The following PLCG2 variants were observed in gnomAD, a reference collection of about 807,000 sequenced individuals.
PLCG2 encodes the protein phospholipase C gamma 2.
PLCG2 carries 69 observed loss-of-function variants against 175.6 expected under a neutral mutation model. That is an observed-to-expected ratio of 0.39 (90% CI 0.32 to 0.48). The LOEUF (loss-of-function observed/expected upper bound fraction) is 0.48. Among genes scored for constraint, PLCG2 ranks in the 20% least tolerant of loss-of-function variants. The probability of loss-of-function intolerance (pLI) is 0.91; values close to 1 mark genes in which losing one functional copy is unlikely to be tolerated. For missense variants in PLCG2, 1,798 were observed against 1,650.9 expected (o/e 1.09, Z -1.54); for synonymous variants, 827 against 624.0 (o/e 1.33, Z -4.85).
chr16:81,866,340 T>A (rs1323634582), intron 5 of PLCG2, among the ~76,000 whole-genome samples: 1 of 132,518 alleles, frequency 7.5e-6, no homozygotes, highest in Non-Finnish European at 1.6e-5. Flanking sequence ...GAGAGGACGC[T>A]GGCCTCTCCC....
chr16:81,788,810 T>C (rs1433922008), intron 2 of PLCG2, among the ~76,000 whole-genome samples: 1 of 152,216 alleles, frequency 6.6e-6, no homozygotes, highest in African/African-American at 2.4e-5. Flanking sequence ...GAGGTGGCCA[T>C]CTTCCCTCTT....
At chr16:81,845,878 C>A (rs1906089435) in intron 2 of PLCG2, among the ~76,000 whole-genome samples, 1 of 152,228 alleles carries the variant, frequency 6.6e-6, no homozygotes, top group Admixed American at 6.5e-5. Context: ...GAGTCACTTG[C>A]TTGACTATGA....
chr16:81,815,790 G>T (rs1904517190), intron 2 of PLCG2, among the ~76,000 whole-genome samples: 1 of 152,220 alleles, frequency 6.6e-6, no homozygotes, highest in African/African-American at 2.4e-5. Flanking sequence ...ACCAGACACA[G>T]TGGCTCACGC....
chr16:81,792,868 A>G (rs1911302135), intron 2 of PLCG2, among the ~76,000 whole-genome samples: 1 of 152,184 alleles, frequency 6.6e-6, no homozygotes, highest in African/African-American at 2.4e-5. Flanking sequence ...GCCAGACCAT[A>G]TCAGCCACTT....
At chr16:81,919,311 C>G (rs1567532676) in intron 19 of PLCG2, among the ~76,000 whole-genome samples, 173 bp from the exon 20 acceptor site, 1 of 152,160 alleles carries the variant, frequency 6.6e-6, no homozygotes, top group Non-Finnish European at 1.5e-5. Flanking sequence ...TTTGAAAATA[C>G]CCACATCATT....
chr16:81,775,794 A>G (rs150791409), upstream of PLCG2, among the ~76,000 whole-genome samples: 137 of 152,186 alleles, frequency 9.0e-4, no homozygotes, highest in Middle Eastern at 0.01. Flanking sequence ...CTTTTGTAGG[A>G]AAAGGAAAAG....
In PLCG2 at chr16:81,920,819, G is replaced by C. The variant is rs117631133; in HGVS notation, c.2236-379G>C. On this transcript the variant is annotated intron_variant, in intron 20 of 32. Transcript: ENST00000564138. ...GGTGTAAATACTTCCATGGAGGTCA[G>C]TTTCAAGTTGTTGATGTGCTGTCGT... Among the ~76,000 whole-genome samples, 445 of 152,334 alleles carry C rather than the reference G, an allele frequency of 2.9e-3. 9 individuals carry two copies. Among genetic ancestry groups the C allele is most frequent in the East Asian group, 0.022 (116 of 5,184 alleles).
chr16:81,935,787 T>C, intron 26 of PLCG2: 2 of 985,424 alleles, frequency 2.0e-6, no homozygotes, highest in Middle Eastern at 5.2e-4. Flanking sequence ...TTGTTCATCT[T>C]GTGTCTGTGG....
At chr16:81,741,421 A>T (rs907890524) in intron 1 of PLCG2, among the ~76,000 whole-genome samples, 2 of 151,996 alleles carry the variant, frequency 1.3e-5, no homozygotes, top group African/African-American at 2.4e-5. Context: ...CAGGAGGAAG[A>T]TTTTTTTTCC....
intron 9 of PLCG2, among the ~76,000 whole-genome samples, chr16:81,884,212 A>G (rs1908238326): frequency 2.0e-5 from 3 of 152,106 alleles, no homozygotes; most frequent in Non-Finnish European, 4.4e-5. Context: ...TTAGGCAGGC[A>G]TTGTGGTGGG....
At chr16:81,796,044 T>C (rs1911455769) in intron 2 of PLCG2, among the ~76,000 whole-genome samples, 1 of 152,218 alleles carries the variant, frequency 6.6e-6, no homozygotes, top group Non-Finnish European at 1.5e-5. Context: ...CAGTGAAGGC[T>C]GATAAGCAGG....
intron 1 of PLCG2, among the ~76,000 whole-genome samples, chr16:81,753,942 G>A (rs1399447851): frequency 6.6e-6 from 1 of 152,144 alleles, no homozygotes; most frequent in Non-Finnish European, 1.5e-5. Context: ...GGTTGGGCTA[G>A]ATGGTCCCAC....
chr16:81,940,179 C>T lies in PLCG2; in HGVS notation c.3481+120C>T, dbSNP rs564674530. 26 of 860,796 alleles carry T rather than the reference C, an allele frequency of 3.0e-5. 1 individual carries two copies. The highest frequency in any genetic ancestry group is 6.6e-5 in the South Asian group (4 of 60,890). 53.3% of individuals were successfully genotyped at this position (860,796 alleles called of 1,614,324 possible). A position where few individuals can be genotyped will look rare whatever the true frequency, so the allele number is the denominator to read the frequency against. On this transcript the variant is annotated intron_variant, in intron 30 of 32. Coordinates refer to ENST00000564138, the MANE Select transcript of PLCG2 (RefSeq NM_002661.5). ...GGTTTGGATGGAATCACTGTAAAAC[C>T]GATTGGGTGGCTTGGAGAGCAGGTG...
intron 2 of PLCG2, among the ~76,000 whole-genome samples, chr16:81,772,916 C>T (rs896714999): frequency 1.3e-5 from 2 of 152,218 alleles, no homozygotes; most frequent in Non-Finnish European, 1.5e-5. Flanking sequence ...TGCCAGCTGC[C>T]TGGTGCAGCC....
In PLCG2 at chr16:81,873,015, C is replaced by T. The variant is rs78798891; in HGVS notation, c.648+2080C>T. Among the ~76,000 whole-genome samples the T allele has an allele frequency of 2.1e-3, 321 of 152,264 alleles. 6 individuals are homozygous for T. In the East Asian group the frequency reaches 0.053, roughly 25 times the overall value. On this transcript the variant is annotated intron_variant, in intron 7 of 32. Transcript: ENST00000564138. ...ATGGGAGGGCCATTTCCTATCTGCC[C>T]AGATTTGGGGAAAACATATTTCTTA...
intron 2 of PLCG2, among the ~76,000 whole-genome samples, chr16:81,803,113 C>CTTTTT (rs762278218): frequency 4.6e-5 from 6 of 131,392 alleles, no homozygotes; most frequent in Non-Finnish European, 8.1e-5. Flanking sequence ...TTGCATTTCA[C>CTTTTT]TTTTTTTTTT....
rs897888132 is a variant in PLCG2 at position 81,961,331 on chromosome 16, G to A, written c.*3333G>A. ...TCTTAAGATGTTATCAATCTACATA[G>A]ATGAAATAATTGTGGAGAAAAGCCC... On this transcript the variant is annotated 3_prime_UTR_variant, in exon 33 of 33. Transcript: ENST00000564138. The A allele has an allele frequency of 1.3e-5, 3 of 225,282 alleles. No homozygotes were observed. The highest frequency in any genetic ancestry group is 2.7e-5 in the Non-Finnish European group (3 of 113,206). The allele number at this position is 225,282 out of a possible 1,614,324, so 14.0% of individuals were successfully genotyped here.
At chr16:81,956,181 C>G (rs1597156801) in intron 31 of PLCG2, among the ~76,000 whole-genome samples, 1 of 152,194 alleles carries the variant, frequency 6.6e-6, no homozygotes, top group African/African-American at 2.4e-5. Flanking sequence ...TGGGCTCATT[C>G]ACTTAGCATA....
At chr16:81,912,089 G>A (rs951227181) in intron 18 of PLCG2, among the ~76,000 whole-genome samples, 4 of 152,042 alleles carry the variant, frequency 2.6e-5, no homozygotes, top group South Asian at 4.1e-4. Flanking sequence ...GAGCCACCAC[G>A]CCTGGCCCAA....
Sources: gnomAD v4.1 joint callset for allele counts (sites outside exome capture counted in the v4.1 genomes callset) on GRCh38, gnomAD v4.1.1 for gene constraint, MANE v1.5 for transcripts, NCBI Gene and HGNC (gene_info 2026-07-23, HGNC 2026-07-21) for gene names.